Variants in TXNDC9 observed in about 807,000 individuals in gnomAD.
The protein encoded by TXNDC9 is thioredoxin domain containing 9, also known as thioredoxin domain-containing protein 9.
A neutral mutation model predicts 23.0 loss-of-function variants in TXNDC9; 7 were observed. The observed-to-expected ratio is 0.30, with a 90% CI of 0.17 to 0.57. The LOEUF (loss-of-function observed/expected upper bound fraction) is 0.57, where lower values mean the gene tolerates loss of function less well. Among genes scored for constraint, TXNDC9 ranks in the 20% least tolerant of loss-of-function variants. The pLI, the probability that TXNDC9 is intolerant of heterozygous loss-of-function variation, is 0.90. For synonymous variants in TXNDC9, 72 were observed against 90.6 expected (o/e 0.79, Z 1.17); for missense variants, 198 against 252.6 (o/e 0.78, Z 1.47).
rs570810542 is a variant in TXNDC9, at chr2:99,335,456, C to T, written c.-33+783G>A. Among the ~76,000 whole-genome samples the T allele has an allele frequency of 5.3e-5, 8 of 152,292 alleles. No individual in the cohort carries two copies. The South Asian group carries it at 1.7e-3, about 32-fold the overall frequency. The stretch of plus-strand genomic sequence containing the variant: ...ACGTGCCTGACTTCTGTTCAAATTA[C>T]TACACTGTTAAGTTTCAAAAGTATT... On this transcript the variant is annotated intron_variant, in intron 1 of 4. Transcript: ENST00000264255.
the TXNDC9 span, among the ~76,000 whole-genome samples, chr2:99,307,103 C>CTCTCTCTCTCTCTCT: frequency 1.9e-5 from 2 of 103,094 alleles, no homozygotes; most frequent in East Asian, 4.6e-4. Flanking sequence ...TCTCTCTCTC[C>CTCTCTCTCTCTCTCT]TTCTCACTCT....
intron 1 of TXNDC9, among the ~76,000 whole-genome samples, chr2:99,335,464 TTAAG>T (rs1280825298): frequency 2.1e-4 from 32 of 152,334 alleles, no homozygotes; most frequent in African/African-American, 7.7e-4. Context: ...TACTACACTG[TTAAG>T]TTTCAAAAGT....
chr2:99,336,215 T>C, intron 1 of TXNDC9, 24 bp downstream of exon 1: 1 of 984,702 alleles, frequency 1.0e-6, no homozygotes, highest in Non-Finnish European at 1.2e-6. Flanking sequence ...GTGGTCGGAT[T>C]CTTCTCACTA....
At chr2:99,314,170 A>C (rs1049469128), downstream of TXNDC9, among the ~76,000 whole-genome samples, 4 of 151,418 alleles carry the variant, frequency 2.6e-5, no homozygotes, top group Non-Finnish European at 4.4e-5. Flanking sequence ...TTTTCAATTT[A>C]CCTCCTTTGC....
At chr2:99,309,514 A>C in the TXNDC9 span, among the ~76,000 whole-genome samples, 1 of 151,638 alleles carries the variant, frequency 6.6e-6, no homozygotes, top group East Asian at 1.9e-4. Flanking sequence ...GTTTCAATTA[A>C]AAAAAAAGAA....
intron 4 of TXNDC9, among the ~76,000 whole-genome samples, chr2:99,320,817 T>G (rs1487373963): frequency 6.6e-6 from 1 of 152,166 alleles, no homozygotes; most frequent in Non-Finnish European, 1.5e-5. Context: ...AAGACAATGA[T>G]AAAACAAATA....
rs2094196702 is a variant in TXNDC9, at chr2:99,319,556, A to G, written c.*126T>C. The stretch of plus-strand genomic sequence containing the variant: ...CAGTAAAGACACTTTTCGATGTGAT[A>G]CAACTGTATAAAACTCGAGAATATG... On this transcript the variant is annotated 3_prime_UTR_variant, in exon 5 of 5. Coordinates refer to ENST00000264255, the MANE Select transcript of TXNDC9 (RefSeq NM_005783.4). The G allele has an allele frequency of 1.4e-6, 1 of 694,554 alleles. No individual in the cohort carries two copies. The highest frequency in any genetic ancestry group is 2.5e-6 in the Non-Finnish European group (1 of 407,940). The allele number at this position is 694,554 out of a possible 1,614,324, so 43.0% of individuals were successfully genotyped here.
chr2:99,320,370 C>T (rs981394349), intron 4 of TXNDC9, among the ~76,000 whole-genome samples: 4 of 152,028 alleles, frequency 2.6e-5, no homozygotes, highest in African/African-American at 9.7e-5. Flanking sequence ...CAGTTGTCAC[C>T]GGAAATGAGA....
At chr2:99,328,982 A>G (rs1319322030) in intron 2 of TXNDC9, among the ~76,000 whole-genome samples, 1 of 152,182 alleles carries the variant, frequency 6.6e-6, no homozygotes. Context: ...CTCTGTCTCA[A>G]AAATAAATAA....
rs2094196577 is a variant in TXNDC9, at chr2:99,319,499, C to A, written c.*183G>T. ...CCAGATAATTTAAGAACTGAGTTTT[C>A]CTCAACTTAAACATGATGGCCACAC... On this transcript the variant is annotated 3_prime_UTR_variant, in exon 5 of 5. Coordinates refer to ENST00000264255, the MANE Select transcript of TXNDC9 (RefSeq NM_005783.4). 1 of 482,152 alleles carries A rather than the reference C, an allele frequency of 2.1e-6. No homozygotes were observed. Among genetic ancestry groups the A allele is most frequent in the Non-Finnish European group, 3.6e-6 (1 of 275,900 alleles). 29.9% of individuals were successfully genotyped at this position (482,152 alleles called of 1,614,324 possible).
intron 3 of TXNDC9, 100 bp from the exon 4 acceptor site, chr2:99,322,309 T>C: frequency 1.4e-6 from 2 of 1,457,932 alleles, no homozygotes; most frequent in Non-Finnish European, 1.8e-6. Context: ...AGTTTTTCTG[T>C]TGACTCTCAT....
chr2:99,319,081 CAA>C lies in TXNDC9; in HGVS notation c.*599_*600del. Reference sequence around the variant, plus strand: ...AGTGAAGTTCCTTATGCTGTTATTTCAAAAGTGTTTCCTGGTTTCTTTTTAAT... The same window carrying C: ...AGTGAAGTTCCTTATGCTGTTATTTCAAGTGTTTCCTGGTTTCTTTTTAAT... On this transcript the variant is annotated 3_prime_UTR_variant, in exon 5 of 5. Transcript: ENST00000264255. The C allele has an allele frequency of 6.6e-6, 1 of 152,330 alleles. No homozygotes were observed. The highest frequency in any genetic ancestry group is 1.5e-5 in the Non-Finnish European group (1 of 68,028). The allele number at this position is 152,330 out of a possible 1,614,324, so 9.4% of individuals were successfully genotyped here.
chr2:99,314,529 CTTTTT>C (rs55729391), downstream of TXNDC9, among the ~76,000 whole-genome samples: 1 of 97,446 alleles, frequency 1.0e-5, no homozygotes, highest in Admixed American at 1.6e-4. Context: ...AATACTACAC[CTTTTT>C]TTTTTTTTTT....
downstream of TXNDC9, among the ~76,000 whole-genome samples, chr2:99,318,451 G>A (rs1347329160): frequency 2.0e-5 from 3 of 152,296 alleles, no homozygotes; most frequent in East Asian, 1.9e-4. Context: ...TGGGATTATA[G>A]GCGTGAGGCA....
At chr2:99,329,160 C>T (rs534778107) in intron 2 of TXNDC9, among the ~76,000 whole-genome samples, 1 of 152,312 alleles carries the variant, frequency 6.6e-6, no homozygotes, top group South Asian at 2.1e-4. Context: ...TCACACTGAA[C>T]TGCAATATAT....
At position 99,319,526 on chromosome 2, in the gene TXNDC9, GA is replaced by G. The variant is rs2105318156; in HGVS notation, c.*155del. On this transcript the variant is annotated 3_prime_UTR_variant, in exon 5 of 5. Transcript: ENST00000264255. ...TCAACTTAAACATGATGGCCACACA[GA>G]AAACAGTAAAGACACTTTTCGATGT... is the stretch of plus-strand genomic sequence containing the variant. 2 of 546,968 alleles carry G rather than the reference GA, an allele frequency of 3.7e-6. No individual in the cohort carries two copies. The highest frequency in any genetic ancestry group is 4.0e-5 in the African/African-American group (2 of 50,332). 33.9% of individuals were successfully genotyped at this position (546,968 alleles called of 1,614,324 possible).
At position 99,319,350 on chromosome 2, in the gene TXNDC9, T is replaced by C; in HGVS notation, c.*332A>G. 5.6e-6 allele frequency: 1 copy of C among 179,162 alleles called. No individual in the cohort carries two copies. The highest frequency in any genetic ancestry group is 1.2e-5 in the Non-Finnish European group (1 of 86,798). 11.1% of individuals were successfully genotyped at this position (179,162 alleles called of 1,614,324 possible). On this transcript the variant is annotated 3_prime_UTR_variant, in exon 5 of 5. Transcript: ENST00000264255. ...TGTATAAATAATGCCGATTAAGAAT[T>C]AGTCCTGGAATAGTTTTCGAATTTC...
intron 1 of TXNDC9, among the ~76,000 whole-genome samples, chr2:99,335,301 C>A (rs2094236049): frequency 6.6e-6 from 1 of 152,162 alleles, no homozygotes; most frequent in Admixed American, 6.5e-5. Context: ...GAGAAATATT[C>A]TTGCAAACTT....
intron 2 of TXNDC9, among the ~76,000 whole-genome samples, chr2:99,331,856 A>G (rs1234868088): frequency 6.6e-6 from 1 of 152,058 alleles, no homozygotes; most frequent in Non-Finnish European, 1.5e-5. Context: ...CAGCCTCCTG[A>G]GTAGCTGGGA....
Sources: gnomAD v4.1 joint callset for allele counts (sites outside exome capture counted in the v4.1 genomes callset) on GRCh38, gnomAD v4.1.1 for gene constraint, MANE v1.5 for transcripts, NCBI Gene and HGNC (gene_info 2026-07-23, HGNC 2026-07-21) for gene names.